Variants in LRRIQ1 observed in about 807,000 individuals in gnomAD.
LRRIQ1 encodes leucine-rich repeat- and IQ domain-containing protein 1.
A neutral mutation model predicts 211.9 loss-of-function variants in LRRIQ1; 210 were observed. That is an observed-to-expected ratio of 0.99 (90% CI 0.89 to 1.11). The LOEUF (loss-of-function observed/expected upper bound fraction) is 1.11. Ranked by LOEUF, LRRIQ1 falls within the 50% of genes most tolerant of loss-of-function variation. LRRIQ1 has a pLI of 0.00. For missense variants in LRRIQ1, 2,136 were observed against 1,939.5 expected, an observed-to-expected ratio of 1.10 and a Z score of -1.90; for synonymous variants, 699 against 650.1, an observed-to-expected ratio of 1.08 and a Z score of -1.14.
intron 18 of LRRIQ1, among the ~76,000 whole-genome samples, chr12:85,130,203 A>G (rs1219612173): frequency 4.6e-5 from 7 of 152,098 alleles, no homozygotes; most frequent in Admixed American, 1.3e-4. Context: ...TCTATACTGT[A>G]CTCCTCCTGA....
intron 20 of LRRIQ1, 114 bp downstream of exon 20, chr12:85,152,483 A>G: frequency 2.8e-6 from 2 of 709,134 alleles, no homozygotes; most frequent in Non-Finnish European, 4.3e-6. Flanking sequence ...AATTACTTTT[A>G]GAAGCCTCTG....
At chr12:85,196,665 C>A (rs377656636) in intron 24 of LRRIQ1, among the ~76,000 whole-genome samples, 1 of 152,050 alleles carries the variant, frequency 6.6e-6, no homozygotes, top group African/African-American at 2.4e-5. Flanking sequence ...ACACCTTATA[C>A]AAAAATCAAT....
intron 1 of LRRIQ1, among the ~76,000 whole-genome samples, chr12:85,254,049 G>A (rs977861344): frequency 8.6e-5 from 13 of 151,952 alleles, no homozygotes; most frequent in African/African-American, 3.1e-4. Flanking sequence ...GCAATAGTGA[G>A]TCAGTTCTTC....
chr12:85,046,853 G>A (rs1240807774), intron 5 of LRRIQ1, among the ~76,000 whole-genome samples: 1 of 152,102 alleles, frequency 6.6e-6, no homozygotes, highest in Non-Finnish European at 1.5e-5. Context: ...TCCTTTGTAG[G>A]GACATGGATG....
chr12:85,254,196 G>C (rs566880691), intron 1 of LRRIQ1, among the ~76,000 whole-genome samples: 1 of 152,150 alleles, frequency 6.6e-6, no homozygotes, highest in Admixed American at 6.6e-5. Context: ...AAGAAGCTCA[G>C]CAGATGCCAT....
Position 85,057,122 on chromosome 12 carries a change from A to C in LRRIQ1, c.2329A>C (p.Met777Leu), listed in dbSNP as rs776904678. 15 of 1,597,296 alleles carry C rather than the reference A, an allele frequency of 9.4e-6. No homozygotes were observed. The highest frequency in any genetic ancestry group is 1.4e-5 in the African/African-American group (1 of 73,660). ...GAGACCTGTGAAATGCCCAGCCAACATGACACCCGCTTTGGATAAACTGGA... is the reference window on the plus strand; with the variant it reads ...GAGACCTGTGAAATGCCCAGCCAACCTGACACCCGCTTTGGATAAACTGGA... The part of the protein sequence containing the change: ...RKRPVKCPAN[M>L]TPALDKLEIL... The change falls in exon 8 of 27, where the codon ATG becomes CTG. Residue 777 changes from methionine to leucine, a missense_variant. Physicochemically the swap from Met to Leu is conservative, Grantham distance 15. Coordinates refer to ENST00000393217, the MANE Select transcript of LRRIQ1 (RefSeq NM_001079910.2).
intron 10 of LRRIQ1, among the ~76,000 whole-genome samples, chr12:85,070,751 C>T (rs1402907129): frequency 6.6e-6 from 1 of 151,870 alleles, no homozygotes; most frequent in African/African-American, 2.4e-5. Context: ...ATGCTTTAGA[C>T]TTATAGCTGT....
intron 11 of LRRIQ1, among the ~76,000 whole-genome samples, chr12:85,093,333 G>A (rs1470008803): frequency 1.3e-5 from 2 of 152,134 alleles, no homozygotes; most frequent in African/African-American, 4.8e-5. Flanking sequence ...TATGCATGGT[G>A]GCATCCTTAA....
At chr12:85,132,150 A>G (rs1208335782) in intron 18 of LRRIQ1, among the ~76,000 whole-genome samples, 1 of 152,218 alleles carries the variant, frequency 6.6e-6, no homozygotes, top group East Asian at 1.9e-4. Flanking sequence ...CCTTTGGCTC[A>G]TGTCACTTAG....
chr12:85,127,038 AAG>A (rs1187990002), intron 17 of LRRIQ1, among the ~76,000 whole-genome samples: 1 of 152,178 alleles, frequency 6.6e-6, no homozygotes, highest in Non-Finnish European at 1.5e-5. Context: ...AAAAGAGAGT[AAG>A]AGAGAATAGT....
At chr12:85,232,669 A>T in intron 25 of LRRIQ1, 27 bp from the exon 26 acceptor site, 1 of 1,584,752 alleles carries the variant, frequency 6.3e-7, no homozygotes, top group East Asian at 2.2e-5. Context: ...ACATTATAAA[A>T]TACTTTCTGT....
At chr12:85,127,803 G>A in intron 17 of LRRIQ1, 29 bp from the exon 18 acceptor site, 2 of 1,580,716 alleles carry the variant, frequency 1.3e-6, no homozygotes, top group Non-Finnish European at 1.7e-6. Flanking sequence ...AATAAAAAAA[G>A]TGTGTGTTTT....
Position 85,152,270 on chromosome 12 carries a change from A to T in LRRIQ1, c.4330-10A>T. ...GCTAAATTACATACATTTTAATATT[A>T]TTTGTGCAGGCTGCCTTAGAAGAAG... On this transcript the variant is annotated splice_polypyrimidine_tract_variant and intron_variant, in intron 19 of 26. Transcript: ENST00000393217. 1 of 1,599,342 alleles carries T rather than the reference A, an allele frequency of 6.3e-7. No individual in the cohort carries two copies. The highest frequency in any genetic ancestry group is 1.1e-5 in the South Asian group (1 of 89,240).
intron 1 of LRRIQ1, among the ~76,000 whole-genome samples, chr12:85,255,818 C>T (rs1356372662): frequency 6.6e-6 from 1 of 151,526 alleles, no homozygotes; most frequent in Non-Finnish European, 1.5e-5. Context: ...CAATTAATTA[C>T]AGAAAAACAT....
intron 11 of LRRIQ1, among the ~76,000 whole-genome samples, chr12:85,092,769 G>A (rs911927031): frequency 6.6e-6 from 1 of 152,206 alleles, no homozygotes; most frequent in Non-Finnish European, 1.5e-5. Context: ...AGCAGTTATT[G>A]AAGGCCACCA....
Position 85,141,496 on chromosome 12 carries a change from A to G in LRRIQ1, c.4329+3527A>G, listed in dbSNP as rs533287292. On this transcript the variant is annotated intron_variant, in intron 19 of 26. Transcript: ENST00000393217. ...TTGTATCGCTGAACCTCTTATAATAATATTTTCCTCTTGAACAATAGTTTC... is the reference window on the plus strand; with the variant it reads ...TTGTATCGCTGAACCTCTTATAATAGTATTTTCCTCTTGAACAATAGTTTC... 1.4e-4 allele frequency among the ~76,000 whole-genome samples: 21 copies of G among 149,996 alleles called. No homozygotes were observed. In the South Asian group the frequency reaches 3.3e-3, roughly 24 times the overall value.
At chr12:85,255,899 G>C (rs527741957) in intron 1 of LRRIQ1, among the ~76,000 whole-genome samples, 1 of 151,804 alleles carries the variant, frequency 6.6e-6, no homozygotes, top group South Asian at 2.1e-4. Context: ...GTTACACCAA[G>C]AGCATATTTA....
At chr12:85,040,658 A>G in intron 3 of LRRIQ1, 57 bp downstream of exon 3, 1 of 1,033,772 alleles carries the variant, frequency 9.7e-7, no homozygotes, top group Non-Finnish European at 1.5e-6. Context: ...TGAACAAATT[A>G]TAATTTAGTA....
intron 18 of LRRIQ1, among the ~76,000 whole-genome samples, chr12:85,136,363 T>G (rs1889133516): frequency 6.6e-6 from 1 of 151,982 alleles, no homozygotes; most frequent in Non-Finnish European, 1.5e-5. Flanking sequence ...GCTTCAGGTA[T>G]GCTCTATTGG....
Sources: allele counts gnomAD v4.1 joint callset (sites outside exome capture counted in the v4.1 genomes callset), GRCh38; gene constraint gnomAD v4.1.1; transcripts MANE v1.5; gene names NCBI Gene and HGNC (gene_info 2026-07-23, HGNC 2026-07-21).